UNC5D: variants seen among roughly 807,000 people sequenced by gnomAD.
The protein encoded by UNC5D is netrin receptor UNC5D.
UNC5D carries 39 observed loss-of-function variants against 105.4 expected under a neutral mutation model. That is an observed-to-expected ratio of 0.37 (90% confidence interval 0.29 to 0.48). The LOEUF (loss-of-function observed/expected upper bound fraction) is 0.48, where lower values mean the gene tolerates loss of function less well. UNC5D is among the 20% of genes least tolerant of loss of function. UNC5D has a pLI of 0.98. For synonymous variants in UNC5D, 452 were observed against 450.4 expected (o/e 1.00, Z -0.04); for missense variants, 991 against 1,202.4 (o/e 0.82, Z 2.60).
intron 4 of UNC5D, among the ~76,000 whole-genome samples, chr8:35,680,795 T>C (rs567094078): frequency 1.3e-5 from 2 of 152,290 alleles, no homozygotes; most frequent in East Asian, 3.9e-4. Flanking sequence ...GAATAATTTA[T>C]TTATGGGTCA....
At position 35,793,205 on chromosome 8, in the gene UNC5D, C is replaced by T. The variant is rs1803122539; in HGVS notation, c.*2642C>T. 1 of 451,552 alleles carries T rather than the reference C, an allele frequency of 2.2e-6. No homozygotes were observed. Among genetic ancestry groups the T allele is most frequent in the Admixed American group, 2.4e-5 (1 of 41,506 alleles). 28.0% of individuals were successfully genotyped at this position (451,552 alleles called of 1,614,324 possible). A position where few individuals can be genotyped will look rare whatever the true frequency, so the allele number is the denominator to read the frequency against. ...GTGGTCACTGCATGTCAGGATTGCACAGTATGTTACAATACAATTTCAAAG... is the reference window on the plus strand; with the variant it reads ...GTGGTCACTGCATGTCAGGATTGCATAGTATGTTACAATACAATTTCAAAG... On this transcript the variant is annotated 3_prime_UTR_variant, in exon 17 of 17. Transcript: ENST00000404895.
intron 1 of UNC5D, among the ~76,000 whole-genome samples, chr8:35,536,086 G>C (rs897510406): frequency 2.0e-5 from 3 of 152,142 alleles, no homozygotes; most frequent in Non-Finnish European, 4.4e-5. Flanking sequence ...AAAAATATCA[G>C]GAGGAACAAT....
chr8:35,739,238 G>T (rs1360646186), intron 11 of UNC5D, among the ~76,000 whole-genome samples: 1 of 152,130 alleles, frequency 6.6e-6, no homozygotes, highest in Admixed American at 6.6e-5. Flanking sequence ...AAATCATGAT[G>T]ATTTCTTCAC....
chr8:35,334,581 C>G (rs1177697523), intron 1 of UNC5D, among the ~76,000 whole-genome samples: 2 of 151,482 alleles, frequency 1.3e-5, no homozygotes. Flanking sequence ...GGCACCATCT[C>G]GGCTCACTGC....
chr8:35,765,172 C>T (rs915142505), intron 14 of UNC5D, among the ~76,000 whole-genome samples: 7 of 152,172 alleles, frequency 4.6e-5, no homozygotes, highest in Non-Finnish European at 8.8e-5. Flanking sequence ...GTGATGGCTT[C>T]TGCGTTTCCT....
At chr8:35,730,779 A>T (rs990671930) in intron 10 of UNC5D, among the ~76,000 whole-genome samples, 1 of 152,194 alleles carries the variant, frequency 6.6e-6, no homozygotes, top group African/African-American at 2.4e-5. Flanking sequence ...TAAAATAAAA[A>T]AAAAAAACTA....
chr8:35,481,218 G>C (rs933428274), intron 1 of UNC5D, among the ~76,000 whole-genome samples: 1 of 152,160 alleles, frequency 6.6e-6, no homozygotes, highest in East Asian at 1.9e-4. Context: ...AGTGCTGACT[G>C]CCCATCTGAT....
intron 1 of UNC5D, among the ~76,000 whole-genome samples, chr8:35,334,040 T>G (rs929103034): frequency 6.6e-6 from 1 of 152,158 alleles, no homozygotes; most frequent in African/African-American, 2.4e-5. Flanking sequence ...GAAAACCTCC[T>G]TCCACACAGA....
At position 35,789,895 on chromosome 8, in the gene UNC5D, AACACACAC is replaced by A. The variant is rs56702865; in HGVS notation, c.2658-434_2658-427del. 8.9e-3 allele frequency among the ~76,000 whole-genome samples: 1,274 copies of A among 142,772 alleles called. 10 individuals carry two copies. The highest frequency in any genetic ancestry group is 0.03 in the African/African-American group (1,179 of 38,808). 93.7% of individuals were successfully genotyped at this position (142,772 alleles called of 152,430 possible). ...ATGTCAAGGGGATAGTCAAGAAGAA[AACACACAC>A]ACACACACACACACACACACACACA... On this transcript the variant is annotated intron_variant, in intron 16 of 16. Coordinates refer to ENST00000404895, the MANE Select transcript of UNC5D (RefSeq NM_080872.4).
intron 1 of UNC5D, among the ~76,000 whole-genome samples, chr8:35,429,981 G>T (rs1806515406): frequency 6.6e-6 from 1 of 152,050 alleles, no homozygotes; most frequent in South Asian, 2.1e-4. Flanking sequence ...ATATATATTT[G>T]GTCTTTGTCC....
chr8:35,656,665 A>C (rs1429129339), intron 4 of UNC5D, among the ~76,000 whole-genome samples: 1 of 152,014 alleles, frequency 6.6e-6, no homozygotes, highest in South Asian at 2.1e-4. Context: ...TAGGATTTGG[A>C]TCTAATCTAG....
chr8:35,651,041 A>G (rs527746967), intron 4 of UNC5D, among the ~76,000 whole-genome samples: 2 of 152,186 alleles, frequency 1.3e-5, no homozygotes, highest in Non-Finnish European at 2.9e-5. Flanking sequence ...AGATGATGGG[A>G]TATTCATGGG....
chr8:35,322,337 C>T (rs1179525485), intron 1 of UNC5D, among the ~76,000 whole-genome samples: 2 of 149,016 alleles, frequency 1.3e-5, no homozygotes, highest in Non-Finnish European at 3.0e-5. Flanking sequence ...TTTCTCCCCC[C>T]TTTTTTTTTT....
chr8:35,259,515 A>T (rs1804300720), intron 1 of UNC5D, among the ~76,000 whole-genome samples: 1 of 152,114 alleles, frequency 6.6e-6, no homozygotes, highest in African/African-American at 2.4e-5. Flanking sequence ...GGTGCTATAT[A>T]TTATTACTCT....
chr8:35,351,846 AG>A (rs1812261185), intron 1 of UNC5D, among the ~76,000 whole-genome samples: 1 of 152,110 alleles, frequency 6.6e-6, no homozygotes, highest in African/African-American at 2.4e-5. Context: ...ATATTAACAA[AG>A]GGTTAAAAGT....
At chr8:35,357,968 T>C (rs769425582) in intron 1 of UNC5D, among the ~76,000 whole-genome samples, 1 of 152,120 alleles carries the variant, frequency 6.6e-6, no homozygotes, top group African/African-American at 2.4e-5. Context: ...CCCATATGAG[T>C]GACTTCCACA....
intron 3 of UNC5D, among the ~76,000 whole-genome samples, chr8:35,588,399 CTA>C (rs1163375986): frequency 6.6e-6 from 1 of 152,150 alleles, no homozygotes; most frequent in Non-Finnish European, 1.5e-5. Flanking sequence ...CTGATTGAGA[CTA>C]TAAATGGCAC....
intron 1 of UNC5D, among the ~76,000 whole-genome samples, chr8:35,407,712 T>A (rs1804900511): frequency 6.6e-6 from 1 of 152,060 alleles, no homozygotes; most frequent in Admixed American, 6.6e-5. Context: ...TCTGAAAGGC[T>A]CCAGTGTGTG....
At chr8:35,305,742 CTCTTTTTCTTTCTT>C (rs954384726) in intron 1 of UNC5D, among the ~76,000 whole-genome samples, 1 of 146,912 alleles carries the variant, frequency 6.8e-6, no homozygotes, top group Non-Finnish European at 1.5e-5. Context: ...CTTTCTTTCT[CTCTTTTTCTTTCTT>C]TCTTCCTCCC....
Sources: allele counts gnomAD v4.1 joint callset (sites outside exome capture counted in the v4.1 genomes callset), GRCh38; gene constraint gnomAD v4.1.1; transcripts MANE v1.5; gene names NCBI Gene and HGNC (gene_info 2026-07-23, HGNC 2026-07-21).